The following INTS1 variants were observed in gnomAD, a reference collection of about 807,000 sequenced individuals.
INTS1 encodes the protein integrator complex subunit 1.
Under a neutral mutation model 241.6 loss-of-function variants are expected in INTS1, and 137 were observed. That is an observed-to-expected ratio of 0.57 (90% CI 0.49 to 0.65). INTS1 has a LOEUF of 0.65. Among genes scored for constraint, INTS1 ranks in the 30% least tolerant of loss-of-function variants. The pLI is 0.00. For missense variants in INTS1, 3,073 were observed against 3,032.2 expected, an observed-to-expected ratio of 1.01 and a Z score of -0.32; for synonymous variants, 1,692 against 1,337.8, an observed-to-expected ratio of 1.26 and a Z score of -5.78.
rs1491576704 is a variant in INTS1, at chr7:1,484,183, CAG to C, written c.3262-15_3262-14del. 7 of 1,599,158 alleles carry C rather than the reference CAG, an allele frequency of 4.4e-6. No homozygotes were observed. The highest frequency in any genetic ancestry group is 3.4e-5 in the Admixed American group (2 of 59,620). ...GCCGGGCCACGTCCTGGTGTGTGGA[CAG>C]GGGGGCGTCAGAGGCTCCGAGACAG... is the stretch of plus-strand genomic sequence containing the variant. On this transcript the variant is annotated splice_polypyrimidine_tract_variant and intron_variant, in intron 24 of 47. Coordinates refer to ENST00000404767, the MANE Select transcript of INTS1 (RefSeq NM_001080453.3).
At position 1,480,407 on chromosome 7, in the gene INTS1, T is replaced by G. The variant is rs1781939608; in HGVS notation, c.3984A>C (p.Pro1328=). ...TCCGGCCCTGGCCTATGGGCTGCTCTGGGCTGCTCTTTGGTTTGGGTGCCT... is the reference window on the plus strand; with the variant it reads ...TCCGGCCCTGGCCTATGGGCTGCTCGGGGCTGCTCTTTGGTTTGGGTGCCT... The part of the protein sequence containing the change: ...STEAPKPKSS[P]EQPIGQGRIR... Residue 1328 remains proline (P), a synonymous_variant, in exon 30 of 48, where the codon CCA becomes CCC. Transcript: ENST00000404767. The G allele has an allele frequency of 4.3e-6, 7 of 1,613,288 alleles. No homozygotes were observed. Among genetic ancestry groups the G allele is most frequent in the African/African-American group, 1.3e-5 (1 of 74,940 alleles).
Position 1,493,706 on chromosome 7 carries a change from C to A in INTS1, c.2068+48G>T. 6.6e-7 allele frequency: 1 copy of A among 1,526,662 alleles called. No individual in the cohort carries two copies. Among genetic ancestry groups the A allele is most frequent in the East Asian group, 2.5e-5 (1 of 40,716 alleles). The allele number at this position is 1,526,662 out of a possible 1,614,324, so 94.6% of individuals were successfully genotyped here. A position where few individuals can be genotyped will look rare whatever the true frequency, so the allele number is the denominator to read the frequency against. On this transcript the variant is annotated intron_variant, in intron 15 of 47. Coordinates refer to ENST00000404767, the MANE Select transcript of INTS1 (RefSeq NM_001080453.3). The surrounding 1 kb of genome is among the most constrained non-coding windows in gnomAD (Gnocchi z 5.3). ...GCCAGAGCCGGGGTTTCTGCAGGGA[C>A]GAGGGGAGCAGACCCAGCACAGGCG...
chr7:1,487,257 C>G, intron 20 of INTS1, 63 bp downstream of exon 20: 1 of 1,540,310 alleles, frequency 6.5e-7, no homozygotes, highest in South Asian at 1.2e-5. Flanking sequence ...GCCACCAAGG[C>G]CTCCGGAAGG....
rs1158893393 is a variant in INTS1 at position 1,474,329 on chromosome 7, C to A, written c.5668G>T (p.Gly1890Cys). The change falls in exon 41 of 48, where the codon GGC becomes TGC. Residue 1890 changes from glycine (G) to cysteine (C), a missense_variant. By Grantham distance (159) the Gly-to-Cys change is radical. Transcript: ENST00000404767. ...HLPMIAALLHGRTHLNFQEFR... is the reference protein window; with the variant it reads ...HLPMIAALLHCRTHLNFQEFR... ...TCCTGGAAGTTGAGGTGGGTGCGGC[C>A]GTGCAGGAGCGCCGCGATCATGGGC... The A allele has an allele frequency of 3.7e-6, 6 of 1,604,124 alleles. No homozygotes were observed. The highest frequency in any genetic ancestry group is 5.1e-6 in the Non-Finnish European group (6 of 1,176,874).
chr7:1,477,047 C>A (rs1208380656), intron 35 of INTS1, 129 bp from the exon 36 acceptor site: 3 of 1,199,692 alleles, frequency 2.5e-6, no homozygotes, highest in South Asian at 1.5e-5. Flanking sequence ...GTAACACCGG[C>A]CCCGTCATGG....
chr7:1,494,005 C>A (rs576614513), intron 14 of INTS1, 94 bp from the exon 15 acceptor site: 2 of 1,426,112 alleles, frequency 1.4e-6, no homozygotes, highest in South Asian at 1.4e-5. Context: ...TCAGAGCCCA[C>A]GGGCTGGTGG....
chr7:1,470,787 G>A (rs1436089637), intron 47 of INTS1, 59 bp downstream of exon 47: 200 of 1,477,272 alleles, frequency 1.4e-4, no homozygotes, highest in Non-Finnish European at 1.7e-4. Context: ...GCCCTCGGGG[G>A]ACGCACCTCC....
At chr7:1,474,038 A>C (rs1584257214) in intron 41 of INTS1, 130 bp downstream of exon 41, 1 of 1,089,430 alleles carries the variant, frequency 9.2e-7, no homozygotes, top group East Asian at 2.6e-5. Flanking sequence ...GCTGGTCCCC[A>C]GGGCAGGTGG....
In INTS1 at chr7:1,483,763, G is replaced by C. The variant is rs1395360032; in HGVS notation, c.3520C>G (p.Leu1174Val). Reference protein sequence around the residue: ...ILVVHAMVILLTLGPPRADDS... With the variant: ...ILVVHAMVILVTLGPPRADDS... Reference sequence around the variant, plus strand: ...TCACCTCGAGGCGGGCCCAGCGTCAGCAGGATCACCATGGCATGGACCACG... The same window carrying C: ...TCACCTCGAGGCGGGCCCAGCGTCACCAGGATCACCATGGCATGGACCACG... Residue 1174 changes from leucine (L) to valine (V), a missense_variant, in exon 26 of 48, where the codon CTG (leucine) becomes GTG (valine). Physicochemically the swap from Leu to Val is conservative, Grantham distance 32. Transcript: ENST00000404767. 34 of 1,611,284 alleles carry C rather than the reference G, an allele frequency of 2.1e-5. No homozygotes were observed. Among genetic ancestry groups the C allele is most frequent in the Non-Finnish European group, 2.7e-5 (32 of 1,179,710 alleles).
chr7:1,496,055 G>T, intron 12 of INTS1, 101 bp downstream of exon 12: 3 of 851,508 alleles, frequency 3.5e-6, no homozygotes, highest in Non-Finnish European at 5.7e-6. Flanking sequence ...GACCGCTCCT[G>T]CCGGGCGCTC....
At chr7:1,477,471 G>A (rs1706245348) in intron 35 of INTS1, 79 bp downstream of exon 35, 12 of 1,436,388 alleles carry the variant, frequency 8.4e-6, no homozygotes, top group Non-Finnish European at 1.1e-5. Context: ...GCTCGCCCAG[G>A]CCAAGGCTGC....
chr7:1,472,398 T>C lies in INTS1; in HGVS notation c.6071-12A>G, dbSNP rs918696571. 10 of 1,519,276 alleles carry C rather than the reference T, an allele frequency of 6.6e-6. No homozygotes were observed. The African/African-American group carries it at 8.2e-5, about 13-fold the overall frequency. The allele number at this position is 1,519,276 out of a possible 1,614,324, so 94.1% of individuals were successfully genotyped here. A position where few individuals can be genotyped will look rare whatever the true frequency, so the allele number is the denominator to read the frequency against. ...GGCTGAGCTCTCCTCTGGAAGACAG[T>C]GGCAGTGCTGCAGGAGGGCGGGAGC... On this transcript the variant is annotated splice_polypyrimidine_tract_variant and intron_variant, in intron 43 of 47. Transcript: ENST00000404767.
chr7:1,478,565 C>T, intron 32 of INTS1, 59 bp from the exon 33 acceptor site: 2 of 1,570,544 alleles, frequency 1.3e-6, no homozygotes, highest in Non-Finnish European at 8.7e-7. Flanking sequence ...CGGTGTATCC[C>T]ATCCAGGGAG....
chr7:1,480,760 C>G, intron 29 of INTS1, 75 bp downstream of exon 29: 1 of 1,239,584 alleles, frequency 8.1e-7, no homozygotes. Context: ...GTCCCCCTCC[C>G]CAGGCTGGGT....
Position 1,498,453 on chromosome 7 carries a change from G to A in INTS1, c.1384C>T (p.Leu462Phe). 2.5e-6 allele frequency: 4 copies of A among 1,613,932 alleles called. No individual in the cohort carries two copies. Among genetic ancestry groups the A allele is most frequent in the Non-Finnish European group, 3.4e-6 (4 of 1,179,880 alleles). Residue 462 changes from leucine (L) to phenylalanine (F), a missense_variant, in exon 10 of 48, where the codon CTC (leucine) becomes TTC (phenylalanine). Leu to Phe is a conservative substitution (Grantham distance 22). Transcript: ENST00000404767. ...GAGCTGTGCTGCAGTGCGGTATAGA[G>A]GACCTGCATGTTGTTCGGGTTCCGG... is the stretch of plus-strand genomic sequence containing the variant. ...SARNPNNMQV[L>F]YTALQHSSEL...
Position 1,486,910 on chromosome 7 carries a change from G to A in INTS1, c.2826+12C>T. The A allele has an allele frequency of 6.3e-7, 1 of 1,589,636 alleles. No individual in the cohort carries two copies. Among genetic ancestry groups the A allele is most frequent in the South Asian group, 1.1e-5 (1 of 89,374 alleles). ...TGAGAGGCGGGGGGGCTGAGGGGTG[G>A]GCGGCCCTGACCTGCCGCTTCTTGG... On this transcript the variant is annotated intron_variant, in intron 21 of 47. Transcript: ENST00000404767.
chr7:1,494,307 T>G, intron 14 of INTS1: 1 of 260,090 alleles, frequency 3.8e-6, no homozygotes, highest in East Asian at 9.4e-5. Context: ...GCAGTGAAGG[T>G]GAACAGAGCG....
intron 5 of INTS1, 107 bp from the exon 6 acceptor site, chr7:1,499,739 C>A: frequency 6.8e-7 from 1 of 1,473,828 alleles, no homozygotes; most frequent in East Asian, 2.4e-5. Flanking sequence ...CCCTCTCCAG[C>A]TTCTGGGTGC....
At chr7:1,474,568 C>A (rs1781624277) in intron 40 of INTS1, 137 bp downstream of exon 40, 3 of 1,309,120 alleles carry the variant, frequency 2.3e-6, no homozygotes, top group Admixed American at 2.5e-5. Context: ...CCTGACTTCC[C>A]CCGGTCAAGC....
Sources: gnomAD v4.1 joint callset for allele counts on GRCh38, gnomAD v4.1.1 for gene constraint, Gnocchi (gnomAD v3.1) non-coding constraint, MANE v1.5 for transcripts, NCBI Gene and HGNC (gene_info 2026-07-23, HGNC 2026-07-21) for gene names.